Variants in C11orf24 observed in about 807,000 individuals in gnomAD.
C11orf24 encodes uncharacterized protein C11orf24.
Under a neutral mutation model 7.3 loss-of-function variants are expected in C11orf24, and 5 were observed. That is an observed-to-expected ratio of 0.69 (90% CI 0.36 to 1.45). The LOEUF (loss-of-function observed/expected upper bound fraction) is 1.45. C11orf24 is among the 40% of genes most tolerant of loss of function. The pLI is 0.03. For synonymous variants in C11orf24, 233 were observed against 235.7 expected, an observed-to-expected ratio of 0.99 and a Z score of 0.11; for missense variants, 566 against 590.5, an observed-to-expected ratio of 0.96 and a Z score of 0.43.
In C11orf24 at chr11:68,262,083, G is replaced by T. The variant is rs1232947309; in HGVS notation, c.912C>A (p.Ser304Arg). The T allele has an allele frequency of 6.2e-7, 1 of 1,613,960 alleles. No homozygotes were observed. The highest frequency in any genetic ancestry group is 1.7e-5 in the Admixed American group (1 of 60,014). ...TKAQAREPTA[S>R]PVPVPHTSPI... ...GGCTGGTGTGAGGTACTGGCACTGG[G>T]CTGGCAGTTGGCTCCCTGGCTTGTG... The change falls in exon 4 of 4, where the codon AGC (serine) becomes AGA (arginine). Residue 304 changes from serine (S) to arginine (R), a missense_variant. By Grantham distance (110) the Ser-to-Arg change is moderately radical (BLOSUM62 -1). Coordinates refer to ENST00000304271, the MANE Select transcript of C11orf24 (RefSeq NM_022338.4).
chr11:68,261,794 G>C lies in C11orf24; in HGVS notation c.1201C>G (p.Leu401Val). 6.2e-7 allele frequency: 1 copy of C among 1,614,216 alleles called. No homozygotes were observed. Among genetic ancestry groups the C allele is most frequent in the Non-Finnish European group, 8.5e-7 (1 of 1,180,046 alleles). The part of the protein sequence containing the change: ...PLTQAVVDKT[L>V]LLVVLLLGVT... ...CCGAGTAACAGCACCACCAGAAGGAGAGTTTTGTCTACCACGGCCTGGGTG... is the reference window on the plus strand; with the variant it reads ...CCGAGTAACAGCACCACCAGAAGGACAGTTTTGTCTACCACGGCCTGGGTG... The change falls in exon 4 of 4, where the codon CTC becomes GTC. Residue 401 changes from leucine (L) to valine (V), a missense_variant. Physicochemically the swap from Leu to Val is conservative, Grantham distance 32 (BLOSUM62 1). Transcript: ENST00000304271.
intron 1 of C11orf24, among the ~76,000 whole-genome samples, chr11:68,269,686 A>T (rs2098566937): frequency 6.6e-6 from 1 of 152,196 alleles, no homozygotes; most frequent in Non-Finnish European, 1.5e-5. Flanking sequence ...GAGGGCACAC[A>T]CACGGAGCAG....
intron 1 of C11orf24, among the ~76,000 whole-genome samples, chr11:68,268,621 G>A (rs926981090): frequency 1.3e-5 from 2 of 152,238 alleles, no homozygotes; most frequent in Non-Finnish European, 2.9e-5. Flanking sequence ...GAAACCAGAA[G>A]GTGGAGGTTG....
At chr11:68,269,723 C>T (rs951229543) in intron 1 of C11orf24, among the ~76,000 whole-genome samples, 3 of 152,212 alleles carry the variant, frequency 2.0e-5, no homozygotes, top group African/African-American at 7.2e-5. Context: ...CAGGACACTC[C>T]ACGGGTTTCT....
rs868651930 is a variant in C11orf24 at position 68,262,465 on chromosome 11, G to T, written c.530C>A (p.Thr177Asn). ...PAPTSTSTGR[T>N]PSTTATGHPS... ...ATGCCCAGTGGCGGTAGTGGACGGG[G>T]TCCGCCCTGTGGAAGTGGACGTGGG... Residue 177 changes from threonine to asparagine, a missense_variant, in exon 4 of 4, where the codon ACC (threonine) becomes AAC (asparagine). Coordinates refer to ENST00000304271, the MANE Select transcript of C11orf24 (RefSeq NM_022338.4). 1 of 1,614,154 alleles carries T rather than the reference G, an allele frequency of 6.2e-7. No individual in the cohort carries two copies. The highest frequency in any genetic ancestry group is 1.7e-4 in the Middle Eastern group (1 of 6,058).
chr11:68,266,219 A>G (rs552177111), intron 2 of C11orf24, among the ~76,000 whole-genome samples: 1 of 152,330 alleles, frequency 6.6e-6, no homozygotes, highest in South Asian at 2.1e-4. Flanking sequence ...GTGACATGGG[A>G]CATGGGATCA....
In C11orf24 at chr11:68,262,005, T is replaced by C. The variant is rs2098561989; in HGVS notation, c.990A>G (p.Pro330=). 6.2e-7 allele frequency: 1 copy of C among 1,614,052 alleles called. No individual in the cohort carries two copies. Among genetic ancestry groups the C allele is most frequent in the Non-Finnish European group, 8.5e-7 (1 of 1,180,022 alleles). Residue 330 remains proline, a synonymous_variant, in exon 4 of 4, where the codon CCA becomes CCG. Transcript: ENST00000304271. ...CTGGCCCAGCGGCCCTCTGGGTATA[T>C]GGCATGGGGCTTGGCTGTGTCGTGG... ...MSPTTQPSPM[P]YTQRAAGPGT...
chr11:68,268,434 G>C (rs1351517971), intron 1 of C11orf24, among the ~76,000 whole-genome samples, 183 bp from the exon 2 acceptor site: 2 of 152,252 alleles, frequency 1.3e-5, no homozygotes, highest in Non-Finnish European at 2.9e-5. Flanking sequence ...GCTCACGCCT[G>C]TAATCCCAAC....
chr11:68,264,697 C>CATCT (rs2098564126), intron 2 of C11orf24, among the ~76,000 whole-genome samples: 1 of 135,828 alleles, frequency 7.4e-6, no homozygotes, highest in African/African-American at 2.9e-5. Flanking sequence ...TCCATCCATC[C>CATCT]ACCCACCCAC....
In C11orf24 at chr11:68,262,468, C is replaced by T. The variant is rs759698095; in HGVS notation, c.527G>A (p.Arg176Gln). 38 of 1,613,926 alleles carry T rather than the reference C, an allele frequency of 2.4e-5. No individual in the cohort carries two copies. The highest frequency in any genetic ancestry group is 3.3e-4 in the Middle Eastern group (2 of 6,080). ...LPAPTSTSTGRTPSTTATGHP... is the reference protein window; with the variant it reads ...LPAPTSTSTGQTPSTTATGHP... ...CCCAGTGGCGGTAGTGGACGGGGTCCGCCCTGTGGAAGTGGACGTGGGCGC... is the reference window on the plus strand; with the variant it reads ...CCCAGTGGCGGTAGTGGACGGGGTCTGCCCTGTGGAAGTGGACGTGGGCGC... The change falls in exon 4 of 4, where the codon CGG becomes CAG. Residue 176 changes from arginine (R) to glutamine (Q), a missense_variant. By Grantham distance (43) the Arg-to-Gln change is conservative (BLOSUM62 1). Coordinates refer to ENST00000304271, the MANE Select transcript of C11orf24 (RefSeq NM_022338.4).
In C11orf24 at chr11:68,261,623, T is replaced by C. The variant is rs898795277; in HGVS notation, c.*22A>G. ...GAAAGGACGAGGAAGGGGCCAGGCC[T>C]CCCGCCAGGCCCCCGCCCCCCTCAC... On this transcript the variant is annotated 3_prime_UTR_variant, in exon 4 of 4. Transcript: ENST00000304271. The C allele has an allele frequency of 1.3e-6, 2 of 1,581,926 alleles. No individual in the cohort carries two copies. Among genetic ancestry groups the C allele is most frequent in the Non-Finnish European group, 1.7e-6 (2 of 1,158,916 alleles).
At position 68,263,665 on chromosome 11, in the gene C11orf24, C is replaced by T. The variant is rs760574801; in HGVS notation, c.76+27G>A. ...GCTTTGTGGCCACCGTGGGCCCATC[C>T]AGCAGTCACACAGCTTTCTCACTTA... On this transcript the variant is annotated intron_variant, in intron 3 of 3. Transcript: ENST00000304271. The T allele has an allele frequency of 8.1e-6, 13 of 1,606,716 alleles. No homozygotes were observed. In the South Asian group the frequency reaches 1.4e-4, roughly 18 times the overall value.
chr11:68,271,349 TG>T (rs549702285), intron 1 of C11orf24, among the ~76,000 whole-genome samples: 70 of 152,152 alleles, frequency 4.6e-4, no homozygotes, highest in Non-Finnish European at 7.8e-4. Context: ...GGGAGACAGA[TG>T]GGCAGGGGAG....
intron 2 of C11orf24, among the ~76,000 whole-genome samples, chr11:68,264,477 TCCATCCAC>T (rs2098563578): frequency 6.8e-6 from 1 of 146,630 alleles, no homozygotes; most frequent in African/African-American, 2.6e-5. Flanking sequence ...CATCCATCCA[TCCATCCAC>T]CCACCCATCC....
intron 1 of C11orf24, among the ~76,000 whole-genome samples, chr11:68,270,048 C>CT: frequency 4.0e-5 from 1 of 25,098 alleles, no homozygotes; most frequent in South Asian, 2.2e-3. Context: ...CGGGACCCCA[C>CT]CAGTTATTCT....
At chr11:68,266,073 T>G (rs767464422) in intron 2 of C11orf24, among the ~76,000 whole-genome samples, 1 of 152,170 alleles carries the variant, frequency 6.6e-6, no homozygotes, top group African/African-American at 2.4e-5. Context: ...CAAGAGACCA[T>G]GCAAGGGGAG....
At chr11:68,266,516 G>A (rs1444935784) in intron 2 of C11orf24, among the ~76,000 whole-genome samples, 1 of 152,190 alleles carries the variant, frequency 6.6e-6, no homozygotes, top group Non-Finnish European at 1.5e-5. Context: ...TGGTCTGTAA[G>A]GGCTCCTAAT....
intron 2 of C11orf24, chr11:68,267,169 CCA>C (rs2098565610): frequency 6.6e-6 from 1 of 152,278 alleles, no homozygotes; most frequent in Non-Finnish European, 1.5e-5. Flanking sequence ...TGGGATTCGG[CCA>C]CAGTTTGCTA....
Position 68,263,674 on chromosome 11 carries a change from C to T in C11orf24, c.76+18G>A. On this transcript the variant is annotated intron_variant, in intron 3 of 3. Coordinates refer to ENST00000304271, the MANE Select transcript of C11orf24 (RefSeq NM_022338.4). ...CCACCGTGGGCCCATCCAGCAGTCA[C>T]ACAGCTTTCTCACTTACGTGGATCG... 6.2e-7 allele frequency: 1 copy of T among 1,612,040 alleles called. No homozygotes were observed.
Sources: allele counts gnomAD v4.1 joint callset (sites outside exome capture counted in the v4.1 genomes callset), GRCh38; gene constraint gnomAD v4.1.1; transcripts MANE v1.5; gene names NCBI Gene and HGNC (gene_info 2026-07-23, HGNC 2026-07-21).